PPFIA1: variants seen among roughly 807,000 people sequenced by gnomAD.
The protein encoded by PPFIA1 is PPFI scaffold protein A1.
A neutral mutation model predicts 149.9 loss-of-function variants in PPFIA1; 25 were observed. That is an observed-to-expected ratio of 0.17 (90% CI 0.12 to 0.23). PPFIA1 has a LOEUF of 0.23. Ranked by LOEUF, PPFIA1 falls within the 10% of genes least tolerant of loss-of-function variation. The pLI, the probability that PPFIA1 is intolerant of heterozygous loss-of-function variation, is 1.00. For missense variants in PPFIA1, 1,362 were observed against 1,506.5 expected (o/e 0.90, Z 1.59); for synonymous variants, 549 against 552.8 (o/e 0.99, Z 0.10).
In PPFIA1 at chr11:70,339,193, C is replaced by G. The variant is rs756992423; in HGVS notation, c.1594C>G (p.Pro532Ala). The change falls in exon 14 of 28, where the codon CCA (proline) becomes GCA (alanine). Residue 532 changes from proline to alanine, a missense_variant. By Grantham distance (27) the Pro-to-Ala change is conservative (BLOSUM62 -1). Transcript: ENST00000253925. Reference protein sequence around the residue: ...HHGRPHLGSVPDFRFPMADGH... With the variant: ...HHGRPHLGSVADFRFPMADGH... ...CAGCCGACCCCACTTGGGCAGTGTCCCAGATTTCAGGTTCCCCATGGCAGA... is the reference window on the plus strand; with the variant it reads ...CAGCCGACCCCACTTGGGCAGTGTCGCAGATTTCAGGTTCCCCATGGCAGA... The G allele has an allele frequency of 3.1e-6, 5 of 1,613,930 alleles. No individual in the cohort carries two copies. The East Asian group carries it at 1.1e-4, about 36-fold the overall frequency.
intron 2 of PPFIA1, among the ~76,000 whole-genome samples, chr11:70,292,890 T>A (rs533340588): frequency 2.6e-5 from 4 of 152,358 alleles, no homozygotes; most frequent in Admixed American, 2.6e-4. Context: ...ATAGTATTAC[T>A]GGAGTGCACA....
chr11:70,321,961 C>T (rs1258437920), intron 2 of PPFIA1, among the ~76,000 whole-genome samples: 1 of 152,228 alleles, frequency 6.6e-6, no homozygotes, highest in Non-Finnish European at 1.5e-5. Flanking sequence ...CCTCCACCTC[C>T]CGGGTTCAAG....
At chr11:70,295,659 G>A (rs1384212507) in intron 2 of PPFIA1, among the ~76,000 whole-genome samples, 5 of 131,760 alleles carry the variant, frequency 3.8e-5, no homozygotes, top group Admixed American at 2.3e-4. Flanking sequence ...CTCACCTCCC[G>A]GACGGGGCGG....
intron 9 of PPFIA1, among the ~76,000 whole-genome samples, chr11:70,332,772 C>T (rs1236109424): frequency 6.6e-6 from 1 of 152,170 alleles, no homozygotes; most frequent in African/African-American, 2.4e-5. Context: ...ACTGCAGTGC[C>T]AGGCAGGCGA....
chr11:70,303,087 C>T (rs541295936), intron 2 of PPFIA1, among the ~76,000 whole-genome samples: 1 of 152,240 alleles, frequency 6.6e-6, no homozygotes, highest in Admixed American at 6.5e-5. Flanking sequence ...TATGCTGAGG[C>T]TTGAGTTTTC....
At position 70,337,427 on chromosome 11, in the gene PPFIA1, G is replaced by A. The variant is rs76091062; in HGVS notation, c.1491G>A (p.Lys497=). 55 of 1,586,802 alleles carry A rather than the reference G, an allele frequency of 3.5e-5. No homozygotes were observed. Among genetic ancestry groups the A allele is most frequent in the Non-Finnish European group, 4.6e-5 (53 of 1,164,456 alleles). Reference sequence around the variant, plus strand: ...AGTTAGAAGAAACACAACACGATAAGGTACTGAAATCTTCTCTAAATCCAT... The same window carrying A: ...AGTTAGAAGAAACACAACACGATAAAGTACTGAAATCTTCTCTAAATCCAT... ...KKQLEETQHD[K]DQLVLNIEAL... is the part of the protein sequence containing the mutation. The change falls in exon 12 of 28, where the codon AAG becomes AAA. Residue 497 remains lysine, a splice_region_variant and synonymous_variant. Coordinates refer to ENST00000253925, the MANE Select transcript of PPFIA1 (RefSeq NM_003626.5).
intron 14 of PPFIA1, chr11:70,342,203 C>G (rs2055376156): frequency 6.6e-6 from 1 of 152,460 alleles, no homozygotes; most frequent in Non-Finnish European, 1.5e-5. Context: ...ACTTGCTTAT[C>G]CAGAGAGGGA....
chr11:70,376,707 C>A, intron 25 of PPFIA1, 107 bp downstream of exon 25: 2 of 956,624 alleles, frequency 2.1e-6, no homozygotes, highest in Non-Finnish European at 3.4e-6. Context: ...CATCATGTAG[C>A]TAGGCAGTCT....
chr11:70,329,230 C>T (rs1038128323), intron 7 of PPFIA1, among the ~76,000 whole-genome samples: 1 of 152,062 alleles, frequency 6.6e-6, no homozygotes, highest in Non-Finnish European at 1.5e-5. Flanking sequence ...ACACTTTCAC[C>T]TCCTTGAAAA....
At chr11:70,382,002 T>A in intron 26 of PPFIA1, 86 bp from the exon 27 acceptor site, 5 of 1,172,018 alleles carry the variant, frequency 4.3e-6, no homozygotes, top group Non-Finnish European at 6.3e-6. Flanking sequence ...GGTGTGAAGA[T>A]GTGTGTCTAC....
chr11:70,374,676 C>T (rs2057410137), intron 23 of PPFIA1: 1 of 443,046 alleles, frequency 2.3e-6, no homozygotes, highest in African/African-American at 2.1e-5. Flanking sequence ...TAACTTCATT[C>T]CTCTCGTGCT....
chr11:70,343,477 C>G (rs1250193293), intron 14 of PPFIA1, among the ~76,000 whole-genome samples, 192 bp from the exon 15 acceptor site: 1 of 152,134 alleles, frequency 6.6e-6, no homozygotes, highest in East Asian at 1.9e-4. Context: ...TCACAAGGGT[C>G]CAAGGAATGG....
chr11:70,272,071 G>A, intron 1 of PPFIA1, 102 bp from the exon 2 acceptor site: 1 of 1,280,534 alleles, frequency 7.8e-7, no homozygotes, highest in South Asian at 1.4e-5. Context: ...TGAGCATAAT[G>A]AGACTGCCCA....
At chr11:70,368,363 C>G (rs945310796) in intron 21 of PPFIA1, among the ~76,000 whole-genome samples, 19 of 152,032 alleles carry the variant, frequency 1.2e-4, no homozygotes, top group African/African-American at 4.4e-4. Flanking sequence ...TGAGTTATTG[C>G]TTCTAGTTTG....
intron 2 of PPFIA1, among the ~76,000 whole-genome samples, chr11:70,298,097 G>T (rs1197169185): frequency 1.3e-5 from 2 of 152,152 alleles, no homozygotes; most frequent in African/African-American, 4.8e-5. Flanking sequence ...AAAGAAAAAA[G>T]AACACATATT....
intron 2 of PPFIA1, chr11:70,279,120 T>A: frequency 3.7e-6 from 2 of 544,994 alleles, no homozygotes; most frequent in Non-Finnish European, 6.9e-6. Context: ...GGTGAGGTAC[T>A]CCAGGATGGC....
chr11:70,328,014 T>C (rs921407279), intron 7 of PPFIA1, among the ~76,000 whole-genome samples: 1 of 152,218 alleles, frequency 6.6e-6, no homozygotes, highest in East Asian at 1.9e-4. Context: ...CAGCAGGAGA[T>C]TATGTGGCAG....
chr11:70,333,241 C>T (rs1016446342), intron 9 of PPFIA1: 23 of 588,562 alleles, frequency 3.9e-5, no homozygotes, highest in Admixed American at 9.3e-5. Context: ...CCCAGTCAGT[C>T]GCCAGCAGCA....
intron 21 of PPFIA1, among the ~76,000 whole-genome samples, chr11:70,370,422 T>C (rs2057174137): frequency 6.6e-6 from 1 of 151,994 alleles, no homozygotes; most frequent in Admixed American, 6.5e-5. Flanking sequence ...AGTCTCGCTC[T>C]ATCTCCCAGG....
Sources: allele counts gnomAD v4.1 joint callset (sites outside exome capture counted in the v4.1 genomes callset), GRCh38; gene constraint gnomAD v4.1.1; transcripts MANE v1.5; gene names NCBI Gene and HGNC (gene_info 2026-07-23, HGNC 2026-07-21).